The following KY variants were observed in gnomAD, a reference collection of about 807,000 sequenced individuals.
KY encodes the protein kyphoscoliosis peptidase.
Under a neutral mutation model 76.1 loss-of-function variants are expected in KY, and 43 were observed. The observed-to-expected ratio is 0.57, with a 90% CI of 0.44 to 0.73. KY has a LOEUF of 0.73. Among genes scored for constraint, KY ranks in the 30% least tolerant of loss-of-function variants. The pLI is 0.00. For missense variants in KY, 722 were observed against 828.9 expected (o/e 0.87, Z 1.58); for synonymous variants, 277 against 326.2 (o/e 0.85, Z 1.63).
At chr3:134,638,598 G>C (rs1218581274) in intron 3 of KY, among the ~76,000 whole-genome samples, 1 of 152,182 alleles carries the variant, frequency 6.6e-6, no homozygotes, top group African/African-American at 2.4e-5. Context: ...TGCTAATCTT[G>C]AGAACGGGCT....
chr3:134,620,901 G>T (rs1393886990), intron 6 of KY, 44 bp from the exon 7 acceptor site: 1 of 1,173,152 alleles, frequency 8.5e-7, no homozygotes. Flanking sequence ...CTCGAGGAGG[G>T]GCTGTTGGGG....
intron 3 of KY, among the ~76,000 whole-genome samples, chr3:134,634,305 GA>G (rs541131548): frequency 9.4e-5 from 14 of 148,752 alleles, no homozygotes; most frequent in Non-Finnish European, 1.6e-4. Context: ...AACTAATTTT[GA>G]AAAAAAAAGA....
chr3:134,606,126 C>G (rs1959192574), intron 10 of KY, among the ~76,000 whole-genome samples: 2 of 152,188 alleles, frequency 1.3e-5, no homozygotes, highest in South Asian at 4.1e-4. Context: ...GCTACCTCAG[C>G]TCCTCACTGC....
rs750382778 is a variant in KY at position 134,619,227 on chromosome 3, C to T, written c.631G>A (p.Ala211Thr). The T allele has an allele frequency of 1.2e-6, 2 of 1,613,968 alleles. No homozygotes were observed. The highest frequency in any genetic ancestry group is 1.1e-5 in the South Asian group (1 of 91,084). Residue 211 changes from alanine (A) to threonine (T), a missense_variant, in exon 8 of 11, where the codon GCC becomes ACC. Physicochemically the swap from Ala to Thr is moderately conservative, Grantham distance 58. Around this residue, in one of 2 missense-constraint regions of KY, gnomAD observed 552 missense variants for 680.9 expected, o/e 0.81. Coordinates refer to ENST00000423778, the MANE Select transcript of KY (RefSeq NM_178554.6). ...IAAAQEKDRQ[A>T]FKPTDILRTQ... ...CGCAGGATGTCAGTGGGTTTGAAGGCTTGGCGGTCCTTCTCCTGAGCAGCT... is the reference window on the plus strand; with the variant it reads ...CGCAGGATGTCAGTGGGTTTGAAGGTTTGGCGGTCCTTCTCCTGAGCAGCT...
chr3:134,641,430 T>TA (rs1965747168), intron 3 of KY, among the ~76,000 whole-genome samples: 1 of 152,106 alleles, frequency 6.6e-6, no homozygotes, highest in African/African-American at 2.4e-5. Flanking sequence ...GTCAGCTATT[T>TA]ATAAGCAGAG....
chr3:134,608,769 A>C lies in KY; in HGVS notation c.970T>G (p.Trp324Gly). Reference sequence around the variant, plus strand: ...GATTGAGGAGGTTTTAGCAGCTGCCAGTTCTTGTTGTCTGGGAAGTGGTCC... The same window carrying C: ...GATTGAGGAGGTTTTAGCAGCTGCCCGTTCTTGTTGTCTGGGAAGTGGTCC... ...IEDHFPDNKN[W>G]QLLKPPQSLR... The change falls in exon 10 of 11, where the codon TGG becomes GGG. Residue 324 changes from tryptophan to glycine, a missense_variant. By Grantham distance (184) the Trp-to-Gly change is radical (BLOSUM62 -2). Around this residue, in one of 2 missense-constraint regions of KY, gnomAD observed 552 missense variants for 680.9 expected, o/e 0.81. Transcript: ENST00000423778. The C allele has an allele frequency of 7.4e-6, 12 of 1,614,022 alleles. No homozygotes were observed. Among genetic ancestry groups the C allele is most frequent in the Non-Finnish European group, 1.0e-5 (12 of 1,179,898 alleles).
At chr3:134,644,162 G>A (rs960446270) in intron 2 of KY, among the ~76,000 whole-genome samples, 76 of 152,296 alleles carry the variant, frequency 5.0e-4, no homozygotes, top group African/African-American at 1.8e-3. Flanking sequence ...CAGGGGGCCA[G>A]CCTGCCTCCT....
chr3:134,640,257 G>A (rs1266541189), intron 3 of KY, among the ~76,000 whole-genome samples: 1 of 152,214 alleles, frequency 6.6e-6, no homozygotes, highest in Non-Finnish European at 1.5e-5. Flanking sequence ...AACACCACCA[G>A]ATTGGTCCCT....
chr3:134,612,767 G>GTGTA (rs993751251), intron 8 of KY, among the ~76,000 whole-genome samples: 2 of 150,184 alleles, frequency 1.3e-5, no homozygotes, highest in African/African-American at 4.9e-5. Flanking sequence ...GTGTGTGTGT[G>GTGTA]TGTGTGTGTG....
intron 9 of KY, 136 bp downstream of exon 9, chr3:134,610,059 G>C (rs753569336): frequency 8.9e-5 from 82 of 917,718 alleles, no homozygotes; most frequent in Non-Finnish European, 1.2e-4. Flanking sequence ...CTTCAGAGCC[G>C]AGGAGGAGTG....
chr3:134,618,432 GT>G (rs1319444142), intron 8 of KY, among the ~76,000 whole-genome samples: 1 of 152,180 alleles, frequency 6.6e-6, no homozygotes, highest in East Asian at 1.9e-4. Context: ...CTGGGGAGGG[GT>G]TCTTTGATGG....
chr3:134,643,931 A>G (rs547642516), intron 2 of KY, among the ~76,000 whole-genome samples: 122 of 150,796 alleles, frequency 8.1e-4, no homozygotes, highest in African/African-American at 2.8e-3. Context: ...GGTTCGTGCC[A>G]TTCTCCTGCC....
chr3:134,607,568 C>T (rs971224932), intron 10 of KY: 4 of 985,454 alleles, frequency 4.1e-6, no homozygotes, highest in Non-Finnish European at 3.6e-6. Context: ...GGCTGTGCAG[C>T]GTGCCCAGGC....
At chr3:134,606,055 T>C (rs1469201848) in intron 10 of KY, among the ~76,000 whole-genome samples, 1 of 152,230 alleles carries the variant, frequency 6.6e-6, no homozygotes, top group Admixed American at 6.5e-5. Context: ...ATAGAGTTGC[T>C]ATCCCCTCTT....
chr3:134,630,625 C>G (rs1049048251), intron 3 of KY, among the ~76,000 whole-genome samples: 1 of 152,226 alleles, frequency 6.6e-6, no homozygotes, highest in Non-Finnish European at 1.5e-5. Flanking sequence ...AAACATCATA[C>G]CACAGTCTTC....
chr3:134,617,859 G>A (rs1961848067), intron 8 of KY, among the ~76,000 whole-genome samples: 2 of 152,090 alleles, frequency 1.3e-5, no homozygotes, highest in South Asian at 4.1e-4. Flanking sequence ...ACTTGGCTGA[G>A]GTCAGATTTT....
At chr3:134,609,389 G>A (rs951596023) in intron 9 of KY, among the ~76,000 whole-genome samples, 1 of 152,154 alleles carries the variant, frequency 6.6e-6, no homozygotes. Context: ...GAGGAGCAGT[G>A]TTGAGAATAA....
intron 7 of KY, 130 bp from the exon 8 acceptor site, chr3:134,619,395 C>A: frequency 1.4e-6 from 1 of 698,616 alleles, no homozygotes. Context: ...GAACTACAGC[C>A]CCAGCACAAA....
chr3:134,604,353 C>T lies in KY; in HGVS notation c.1212G>A (p.Val404=), dbSNP rs369050101. The part of the protein sequence containing the change: ...SLRKNGMKLE[V]YPPTMGTHKL... ...TGTGAGTGCCCATGGTTGGAGGGTA[C>T]ACCTCCAACTTCATCCCATTCTTCC... Residue 404 remains valine, a synonymous_variant, in exon 11 of 11, where the codon GTG becomes GTA. Transcript: ENST00000423778. 3.7e-6 allele frequency: 6 copies of T among 1,613,846 alleles called. No individual in the cohort carries two copies. Among genetic ancestry groups the T allele is most frequent in the Admixed American group, 3.3e-5 (2 of 60,008 alleles).
Sources: gnomAD v4.1 joint callset for allele counts (sites outside exome capture counted in the v4.1 genomes callset) on GRCh38, gnomAD v4.1.1 for gene constraint, gnomAD v4.1.1 regional missense constraint, MANE v1.5 for transcripts, NCBI Gene and HGNC (gene_info 2026-07-23, HGNC 2026-07-21) for gene names.